The following TMEM131L variants were observed in gnomAD, a reference collection of about 807,000 sequenced individuals.
TMEM131L encodes transmembrane 131 like.
A neutral mutation model predicts 192.2 loss-of-function variants in TMEM131L; 54 were observed. The observed-to-expected ratio is 0.28, with a 90% CI of 0.23 to 0.35. The LOEUF (loss-of-function observed/expected upper bound fraction) is 0.35. Among genes scored for constraint, TMEM131L ranks in the 10% least tolerant of loss-of-function variants. The pLI, the probability that TMEM131L is intolerant of heterozygous loss-of-function variation, is 1.00. For missense variants in TMEM131L, 1,888 were observed against 1,972.9 expected, an observed-to-expected ratio of 0.96 and a Z score of 0.82; for synonymous variants, 701 against 704.9, an observed-to-expected ratio of 0.99 and a Z score of 0.09.
At position 153,582,080 on chromosome 4, in the gene TMEM131L, A is replaced by T. The variant is rs183857058; in HGVS notation, c.892+520A>T. 1.4e-3 allele frequency among the ~76,000 whole-genome samples: 209 copies of T among 152,362 alleles called. 1 individual carries two copies. Among genetic ancestry groups the T allele is most frequent in the African/African-American group, 4.7e-3 (195 of 41,574 alleles). On this transcript the variant is annotated intron_variant, in intron 9 of 34. Transcript: ENST00000409959. Reference sequence around the variant, plus strand: ...GCATTCATCTGTTTAACTTCCTAAGAACTTTTTTCAGAGACACATTCTGTG... The same window carrying T: ...GCATTCATCTGTTTAACTTCCTAAGTACTTTTTTCAGAGACACATTCTGTG...
chr4:153,518,494 A>G (rs1734888721), intron 3 of TMEM131L, among the ~76,000 whole-genome samples: 1 of 152,204 alleles, frequency 6.6e-6, no homozygotes, highest in Non-Finnish European at 1.5e-5. Context: ...GCTTGAAAAC[A>G]TAGTGAATAC....
At chr4:153,628,952 T>G (rs1734031426) in intron 31 of TMEM131L, among the ~76,000 whole-genome samples, 1 of 152,188 alleles carries the variant, frequency 6.6e-6, no homozygotes, top group Non-Finnish European at 1.5e-5. Context: ...GCCCATCACC[T>G]TTGTACTCCC....
At chr4:153,488,886 G>A (rs1732559440) in intron 3 of TMEM131L, among the ~76,000 whole-genome samples, 2 of 152,118 alleles carry the variant, frequency 1.3e-5, no homozygotes, top group Non-Finnish European at 2.9e-5. Context: ...GCTTGCAGCT[G>A]CGGCACTCCA....
At chr4:153,530,154 G>A (rs1020157052) in intron 3 of TMEM131L, among the ~76,000 whole-genome samples, 4 of 151,900 alleles carry the variant, frequency 2.6e-5, no homozygotes, top group Admixed American at 6.6e-5. Flanking sequence ...TATAAGGTCC[G>A]GGAAATACTG....
At chr4:153,526,697 A>G (rs1208348845) in intron 3 of TMEM131L, among the ~76,000 whole-genome samples, 3 of 151,830 alleles carry the variant, frequency 2.0e-5, no homozygotes, top group Non-Finnish European at 2.9e-5. Context: ...AGATCACGCC[A>G]CTGCACTCCA....
rs749795413 is a variant in TMEM131L, at chr4:153,603,435, C to T, written c.2772C>T (p.Ile924=). The T allele has an allele frequency of 1.7e-5, 28 of 1,613,894 alleles. No individual in the cohort carries two copies. The highest frequency in any genetic ancestry group is 2.4e-5 in the Non-Finnish European group (28 of 1,179,904). The part of the protein sequence containing the change: ...SQQNNGPMDV[I]SPHSYKSNCK... ...AAAACAATGGTCCTATGGATGTAAT[C>T]AGCCCCCATTCTTACAAGTAAGAAT... The change falls in exon 24 of 35, where the codon ATC becomes ATT. Residue 924 remains isoleucine, a synonymous_variant. Transcript: ENST00000409959.
chr4:153,536,491 C>G (rs1312057358), intron 3 of TMEM131L, among the ~76,000 whole-genome samples: 2 of 152,202 alleles, frequency 1.3e-5, no homozygotes, highest in African/African-American at 4.8e-5. Flanking sequence ...GCTGTCAGGG[C>G]ACTGGAGTTC....
chr4:153,558,428 A>C (rs1728629164), intron 7 of TMEM131L, 60 bp downstream of exon 7: 1 of 973,958 alleles, frequency 1.0e-6, no homozygotes, highest in Non-Finnish European at 1.6e-6. Flanking sequence ...ACCTTCTCAG[A>C]ATTGGTTATT....
chr4:153,469,179 A>C (rs1730978519), intron 2 of TMEM131L, among the ~76,000 whole-genome samples: 1 of 152,250 alleles, frequency 6.6e-6, no homozygotes, highest in Non-Finnish European at 1.5e-5. Flanking sequence ...TTTATAGCTA[A>C]GCTATTTTAA....
At chr4:153,523,789 C>T (rs143568123) in intron 3 of TMEM131L, among the ~76,000 whole-genome samples, 14 of 152,166 alleles carry the variant, frequency 9.2e-5, no homozygotes, top group Middle Eastern at 3.4e-3. Flanking sequence ...AAGGCCACAC[C>T]CAGAAAAGAT....
intron 7 of TMEM131L, among the ~76,000 whole-genome samples, chr4:153,569,712 G>A (rs755993421): frequency 2.0e-5 from 3 of 152,184 alleles, no homozygotes; most frequent in Non-Finnish European, 4.4e-5. Context: ...TGTAAAATAT[G>A]TAATAATAGC....
At chr4:153,556,489 A>G (rs79535729) in intron 5 of TMEM131L, among the ~76,000 whole-genome samples, 9,159 of 149,826 alleles carry the variant, frequency 0.061, 325 homozygotes, top group African/African-American at 0.1. Flanking sequence ...TTTGCTTACT[A>G]TGTCTGCCTG....
intron 3 of TMEM131L, among the ~76,000 whole-genome samples, chr4:153,506,192 C>G (rs775390950): frequency 1.4e-4 from 22 of 152,090 alleles, no homozygotes; most frequent in Non-Finnish European, 2.5e-4. Flanking sequence ...GGAAAAGTAA[C>G]CCAGAATTAT....
At chr4:153,516,490 A>G (rs182153235) in intron 3 of TMEM131L, among the ~76,000 whole-genome samples, 2 of 152,276 alleles carry the variant, frequency 1.3e-5, no homozygotes, top group African/African-American at 4.8e-5. Flanking sequence ...TCAGCCTCCC[A>G]AAGTGCTGGG....
chr4:153,555,171 A>G lies in TMEM131L; in HGVS notation c.309-616A>G, dbSNP rs956114716. Among the ~76,000 whole-genome samples the G allele has an allele frequency of 1.3e-5, 2 of 152,214 alleles. No homozygotes were observed. The highest frequency in any genetic ancestry group is 2.4e-5 in the African/African-American group (1 of 41,460). On this transcript the variant is annotated intron_variant, in intron 4 of 34. Transcript: ENST00000409959. This position sits in a 1 kb window ranked among gnomAD's most constrained non-coding sequence, Gnocchi z 4.1. Reference sequence around the variant, plus strand: ...GTGCTGCCGGATTTTCAGTTTTCTCAAAAGAATAGCCTTTAGCCATAATTA... The same window carrying G: ...GTGCTGCCGGATTTTCAGTTTTCTCGAAAGAATAGCCTTTAGCCATAATTA...
At chr4:153,513,154 G>A (rs766272266) in intron 3 of TMEM131L, among the ~76,000 whole-genome samples, 1 of 152,198 alleles carries the variant, frequency 6.6e-6, no homozygotes, top group African/African-American at 2.4e-5. Context: ...ATCTGGTTCT[G>A]TTCTAGCAGG....
intron 3 of TMEM131L, among the ~76,000 whole-genome samples, chr4:153,500,282 C>T (rs28658106): frequency 0.21 from 32,342 of 151,882 alleles, 6,072 homozygotes; most frequent in African/African-American, 0.48. Flanking sequence ...TTTATATATT[C>T]CTTTGTAGAG....
At chr4:153,507,872 T>A (rs1734094271) in intron 3 of TMEM131L, among the ~76,000 whole-genome samples, 1 of 152,144 alleles carries the variant, frequency 6.6e-6, no homozygotes, top group Non-Finnish European at 1.5e-5. Context: ...TCAGCCCAGA[T>A]CCTAGGGCTG....
At chr4:153,535,291 G>A (rs1192685461) in intron 3 of TMEM131L, among the ~76,000 whole-genome samples, 2 of 152,266 alleles carry the variant, frequency 1.3e-5, no homozygotes, top group South Asian at 2.1e-4. Context: ...AAGATCAGGA[G>A]CTCAGTTTCA....
Sources: allele counts gnomAD v4.1 joint callset (sites outside exome capture counted in the v4.1 genomes callset), GRCh38; gene constraint gnomAD v4.1.1; non-coding constraint Gnocchi (gnomAD v3.1); transcripts MANE v1.5; gene names NCBI Gene and HGNC (gene_info 2026-07-23, HGNC 2026-07-21).